The following ARID5B variants were observed in gnomAD, a reference collection of about 807,000 sequenced individuals.
ARID5B encodes the protein AT-rich interaction domain 5B.
In ARID5B, 13 loss-of-function variants were observed where a neutral mutation model predicts 97.2. The observed-to-expected ratio is 0.13, with a 90% confidence interval of 0.09 to 0.21. The LOEUF (loss-of-function observed/expected upper bound fraction) is 0.21, where lower values mean the gene tolerates loss of function less well. Ranked by LOEUF, ARID5B falls within the 10% of genes least tolerant of loss-of-function variation. The pLI is 1.00. For missense variants in ARID5B, 1,210 were observed against 1,465.3 expected, an observed-to-expected ratio of 0.83 and a Z score of 2.84; for synonymous variants, 556 against 570.3, an observed-to-expected ratio of 0.97 and a Z score of 0.36.
chr10:61,938,047 T>C (rs1844336561), intron 2 of ARID5B, among the ~76,000 whole-genome samples: 1 of 152,188 alleles, frequency 6.6e-6, no homozygotes, highest in Admixed American at 6.5e-5. Flanking sequence ...TTATGTGAAT[T>C]CCTGCATTTG....
At chr10:61,961,757 T>C (rs10994989) in intron 3 of ARID5B, among the ~76,000 whole-genome samples, 10,122 of 152,204 alleles carry the variant, frequency 0.067, 420 homozygotes, top group South Asian at 0.12. Context: ...TTTCTTTCTT[T>C]TTTTTCTGAG....
intron 4 of ARID5B, among the ~76,000 whole-genome samples, chr10:62,048,226 T>C (rs888468989): frequency 6.6e-6 from 1 of 152,234 alleles, no homozygotes; most frequent in Non-Finnish European, 1.5e-5. Context: ...TAGTCACTTT[T>C]TCATTCAACA....
chr10:61,996,511 A>G (rs182393874), intron 3 of ARID5B, among the ~76,000 whole-genome samples: 1 of 152,240 alleles, frequency 6.6e-6, no homozygotes, highest in African/African-American at 2.4e-5. Context: ...AAGAACAGAG[A>G]GAGGCCCATC....
intron 2 of ARID5B, among the ~76,000 whole-genome samples, chr10:61,915,040 A>G (rs1245906991): frequency 1.3e-5 from 2 of 152,216 alleles, no homozygotes; most frequent in Non-Finnish European, 2.9e-5. Context: ...AGTCTTTATG[A>G]AAGCTTCTTT....
At position 61,952,472 on chromosome 10, in the gene ARID5B, G is replaced by C. The variant is rs148755402; in HGVS notation, c.502+12064G>C. On this transcript the variant is annotated intron_variant, in intron 3 of 9. Transcript: ENST00000279873. ...TGTGTTTATCTTATCTTCCCAAAAA[G>C]TCTTAACTCTATAGTGTTAGCACTC... Among the ~76,000 whole-genome samples the C allele has an allele frequency of 2.0e-5, 3 of 152,238 alleles. No homozygotes were observed. In the East Asian group the frequency reaches 5.8e-4, roughly 29 times the overall value.
chr10:61,901,946 G>A (rs1184667847), intron 1 of ARID5B, among the ~76,000 whole-genome samples: 2 of 151,426 alleles, frequency 1.3e-5, no homozygotes, highest in African/African-American at 4.8e-5. Context: ...TGGGGAGGTG[G>A]GTAGAAGTGG....
intron 2 of ARID5B, among the ~76,000 whole-genome samples, chr10:61,925,319 T>C (rs751213816): frequency 2.6e-5 from 4 of 152,174 alleles, no homozygotes; most frequent in Non-Finnish European, 2.9e-5. Flanking sequence ...TTTTATTGGG[T>C]GTTCTTACAT....
intron 6 of ARID5B, among the ~76,000 whole-genome samples, chr10:62,057,838 A>C (rs1839876671): frequency 6.6e-6 from 1 of 152,252 alleles, no homozygotes; most frequent in Non-Finnish European, 1.5e-5. Context: ...ATTTTGAATT[A>C]CTTTGACATG....
chr10:62,002,480 A>G (rs1355671563), intron 4 of ARID5B, among the ~76,000 whole-genome samples: 2 of 152,212 alleles, frequency 1.3e-5, no homozygotes, highest in Non-Finnish European at 2.9e-5. Context: ...TACTTCAAAT[A>G]GTTTGTACTT....
At chr10:61,969,148 GCAATACCCTCCCCCC>G (rs551045416) in intron 3 of ARID5B, among the ~76,000 whole-genome samples, 17 of 152,196 alleles carry the variant, frequency 1.1e-4, no homozygotes, top group African/African-American at 4.1e-4. Context: ...TAGCTGCTCT[GCAATACCCTCCCCCC>G]CAAATAAAGT....
At chr10:61,936,346 G>A (rs1486037559) in intron 2 of ARID5B, among the ~76,000 whole-genome samples, 3 of 152,198 alleles carry the variant, frequency 2.0e-5, no homozygotes, top group Non-Finnish European at 4.4e-5. Flanking sequence ...GGCCGGGTGC[G>A]GTGGCTCACG....
chr10:61,947,261 C>CTTTTTTTTGTTTTTTTTTTT (rs1838251439), intron 3 of ARID5B, among the ~76,000 whole-genome samples: 1 of 124,268 alleles, frequency 8.0e-6, no homozygotes, highest in African/African-American at 3.0e-5. Context: ...CACTTACTTT[C>CTTTTTTTTGTTTTTTTTTTT]TTTTTTTTTT....
rs904656668 is a variant in ARID5B at position 62,093,649 on chromosome 10, G to A, written c.*619G>A. ...TTCCATTTTCTCCCAGTTCCTTCTC[G>A]TCTTTTTTTTTTTTTTTTTTTTTTT... On this transcript the variant is annotated 3_prime_UTR_variant, in exon 10 of 10. Transcript: ENST00000279873. The A allele has an allele frequency of 1.1e-4, 19 of 167,220 alleles. No homozygotes were observed. The highest frequency in any genetic ancestry group is 1.9e-4 in the Non-Finnish European group (18 of 94,960). 10.4% of individuals were successfully genotyped at this position (167,220 alleles called of 1,614,324 possible). A position where few individuals can be genotyped will look rare whatever the true frequency, so the allele number is the denominator to read the frequency against.
chr10:61,989,373 T>C (rs1589248335), intron 3 of ARID5B, among the ~76,000 whole-genome samples: 1 of 152,234 alleles, frequency 6.6e-6, no homozygotes, highest in Non-Finnish European at 1.5e-5. Context: ...TGTGTTTCTA[T>C]TGAATAATGC....
intron 4 of ARID5B, among the ~76,000 whole-genome samples, chr10:62,027,128 T>G (rs1839430705): frequency 6.6e-6 from 1 of 151,816 alleles, no homozygotes; most frequent in African/African-American, 2.4e-5. Flanking sequence ...CAGTCTTGTT[T>G]TCCTCTCTTT....
chr10:62,049,876 A>G (rs748983310), intron 4 of ARID5B, among the ~76,000 whole-genome samples: 103 of 152,226 alleles, frequency 6.8e-4, no homozygotes, highest in Non-Finnish European at 1.1e-3. Flanking sequence ...TCCTTAAGTA[A>G]TAAAAAGTGT....
intron 8 of ARID5B, among the ~76,000 whole-genome samples, chr10:62,082,247 G>A (rs139292281): frequency 1.3e-5 from 2 of 152,120 alleles, no homozygotes; most frequent in East Asian, 1.9e-4. Context: ...TAATCGCATC[G>A]TAAATAAGCA....
intron 3 of ARID5B, among the ~76,000 whole-genome samples, chr10:61,978,475 A>G (rs188405488): frequency 0.01 from 1,590 of 152,290 alleles, 33 homozygotes; most frequent in African/African-American, 0.035. Context: ...CACGATATTG[A>G]TTCTTCCTAC....
At position 62,092,471 on chromosome 10, in the gene ARID5B, C is replaced by G. The variant is rs1367766830; in HGVS notation, c.3008C>G (p.Pro1003Arg). 1 of 1,614,152 alleles carries G rather than the reference C, an allele frequency of 6.2e-7. No homozygotes were observed. The highest frequency in any genetic ancestry group is 2.2e-5 in the East Asian group (1 of 44,886). ...CCAATCCTGCACCGGAAAATGAGCC[C>G]GCAGAACATTGGGGCGGCGCGGCCG... ...VHPILHRKMS[P>R]QNIGAARPIK... Residue 1003 changes from proline (P) to arginine (R), a missense_variant, in exon 10 of 10, where the codon CCG becomes CGG. Transcript: ENST00000279873.
Sources: gnomAD v4.1 joint callset for allele counts (sites outside exome capture counted in the v4.1 genomes callset) on GRCh38, gnomAD v4.1.1 for gene constraint, MANE v1.5 for transcripts, NCBI Gene and HGNC (gene_info 2026-07-23, HGNC 2026-07-21) for gene names.